Variants in MTCL1 observed in about 807,000 individuals in gnomAD.
MTCL1 encodes microtubule crosslinking factor 1.
Under a neutral mutation model 141.4 loss-of-function variants are expected in MTCL1, and 79 were observed. That is an observed-to-expected ratio of 0.56 (90% CI 0.47 to 0.67). MTCL1 has a LOEUF of 0.67. Ranked by LOEUF, MTCL1 falls within the 30% of genes least tolerant of loss-of-function variation. The probability of loss-of-function intolerance (pLI) is 0.00; values close to 1 mark genes in which losing one functional copy is unlikely to be tolerated. For missense variants in MTCL1, 2,177 were observed against 2,113.9 expected, an observed-to-expected ratio of 1.03 and a Z score of -0.59; for synonymous variants, 914 against 875.8, an observed-to-expected ratio of 1.04 and a Z score of -0.77.
intron 10 of MTCL1, among the ~76,000 whole-genome samples, chr18:8,805,997 A>G (rs1233253777): frequency 6.6e-6 from 1 of 152,186 alleles, no homozygotes; most frequent in Non-Finnish European, 1.5e-5. Context: ...CAGAACATAT[A>G]AACCATTTTA....
intron 5 of MTCL1, among the ~76,000 whole-genome samples, chr18:8,781,599 A>G (rs550191251): frequency 6.6e-6 from 1 of 152,396 alleles, no homozygotes; most frequent in East Asian, 1.9e-4. Context: ...GAGCTAGAGC[A>G]TGGTGATTTA....
chr18:8,780,129 A>C (rs1441734313), intron 5 of MTCL1, among the ~76,000 whole-genome samples: 1 of 152,078 alleles, frequency 6.6e-6, no homozygotes, highest in Non-Finnish European at 1.5e-5. Flanking sequence ...TTTTCACTTC[A>C]ACTTGTTGGG....
intron 4 of MTCL1, among the ~76,000 whole-genome samples, chr18:8,764,939 C>T (rs1026307483): frequency 1.3e-5 from 2 of 152,160 alleles, no homozygotes; most frequent in African/African-American, 2.4e-5. Context: ...TGCAATTACT[C>T]CCAATGATAA....
intron 4 of MTCL1, among the ~76,000 whole-genome samples, chr18:8,733,445 G>A (rs565608676): frequency 6.6e-6 from 1 of 152,160 alleles, no homozygotes; most frequent in Non-Finnish European, 1.5e-5. Context: ...AGTCTCTGTC[G>A]CTCAGGCTGG....
At chr18:8,778,759 A>G (rs1040280884) in intron 5 of MTCL1, among the ~76,000 whole-genome samples, 2 of 152,222 alleles carry the variant, frequency 1.3e-5, no homozygotes, top group Non-Finnish European at 2.9e-5. Context: ...AGGGAAATTA[A>G]AGTCTGCCAT....
chr18:8,775,144 C>T (rs774363589), intron 4 of MTCL1, among the ~76,000 whole-genome samples: 6 of 152,168 alleles, frequency 3.9e-5, no homozygotes. Context: ...TGATGAAAGC[C>T]AGGGACAGCA....
chr18:8,768,348 G>A (rs537902384), intron 4 of MTCL1, among the ~76,000 whole-genome samples: 17 of 152,254 alleles, frequency 1.1e-4, no homozygotes, highest in African/African-American at 2.4e-4. Flanking sequence ...GAGTAAACTC[G>A]TGGACAGAAA....
chr18:8,709,386 G>A (rs2096074687), intron 1 of MTCL1, among the ~76,000 whole-genome samples: 1 of 151,984 alleles, frequency 6.6e-6, no homozygotes, highest in Non-Finnish European at 1.5e-5. Context: ...TAGAGACAGG[G>A]TCTGGCTATG....
chr18:8,722,978 G>A (rs1267107343), intron 4 of MTCL1, among the ~76,000 whole-genome samples: 2 of 152,244 alleles, frequency 1.3e-5, no homozygotes, highest in African/African-American at 4.8e-5. Context: ...AGTGAGACAA[G>A]TATCTTCAGA....
At chr18:8,746,692 A>G (rs922083751) in intron 4 of MTCL1, among the ~76,000 whole-genome samples, 2 of 152,022 alleles carry the variant, frequency 1.3e-5, no homozygotes, top group Non-Finnish European at 2.9e-5. Context: ...ACTGCTCCCC[A>G]TCTCCTGCCC....
chr18:8,751,492 AT>A (rs2095717579), intron 4 of MTCL1, among the ~76,000 whole-genome samples: 1 of 152,246 alleles, frequency 6.6e-6, no homozygotes, highest in Non-Finnish European at 1.5e-5. Context: ...TTGGGACAAG[AT>A]AACTGACATT....
At chr18:8,730,469 A>T (rs2096244329) in intron 4 of MTCL1, among the ~76,000 whole-genome samples, 2 of 152,166 alleles carry the variant, frequency 1.3e-5, no homozygotes, top group South Asian at 4.1e-4. Context: ...TTACCTAAGG[A>T]TAGTTAATAA....
chr18:8,725,771 A>ATTTTT (rs2096204219), intron 4 of MTCL1, among the ~76,000 whole-genome samples: 1 of 98,716 alleles, frequency 1.0e-5, no homozygotes, highest in African/African-American at 4.1e-5. Flanking sequence ...TTTTGGTGCC[A>ATTTTT]TTTTCTTTTT....
At chr18:8,715,595 CT>C (rs2096123655), upstream of MTCL1, among the ~76,000 whole-genome samples, 1 of 152,154 alleles carries the variant, frequency 6.6e-6, no homozygotes, top group Non-Finnish European at 1.5e-5. Flanking sequence ...AACAATTAAC[CT>C]CTTTACTCAG....
At chr18:8,774,786 C>A (rs1213575958) in intron 4 of MTCL1, among the ~76,000 whole-genome samples, 1 of 152,356 alleles carries the variant, frequency 6.6e-6, no homozygotes, top group South Asian at 2.1e-4. Context: ...CCGCCCCTGG[C>A]CTCTGGTTAA....
intron 1 of MTCL1, chr18:8,707,037 C>A (rs1420352225): frequency 7.7e-6 from 2 of 261,084 alleles, no homozygotes; most frequent in Non-Finnish European, 1.5e-5. Flanking sequence ...TCAGCGGACG[C>A]CCCCATCCCC....
At chr18:8,826,032 G>A (rs755480206) in exon 15 of MTCL1, 21 of 1,611,154 alleles carry the variant, frequency 1.3e-5, no homozygotes, top group Non-Finnish European at 1.3e-5. Context: ...CAGGGAGGAA[G>A]GGGGAGAGGG....
intron 4 of MTCL1, among the ~76,000 whole-genome samples, chr18:8,761,687 A>C (rs1336053808): frequency 6.6e-6 from 1 of 152,228 alleles, no homozygotes; most frequent in Admixed American, 6.5e-5. Flanking sequence ...CCTTACAATC[A>C]TGGTGGAAGG....
chr18:8,798,174 C>T (rs767751395), exon 10 of MTCL1: 29 of 1,598,020 alleles, frequency 1.8e-5, no homozygotes, highest in South Asian at 3.4e-5. Context: ...GCCCAGACCA[C>T]GACAGTGACC....
Sources: allele counts gnomAD v4.1 joint callset (sites outside exome capture counted in the v4.1 genomes callset), GRCh38; gene constraint gnomAD v4.1.1; transcripts MANE v1.5; gene names NCBI Gene and HGNC (gene_info 2026-07-23, HGNC 2026-07-21).